The following TSC22D1 variants were observed in gnomAD, a reference collection of about 807,000 sequenced individuals.
The protein encoded by TSC22D1 is TSC22 domain family member 1.
Under a neutral mutation model 74.2 loss-of-function variants are expected in TSC22D1, and 9 were observed. The observed-to-expected ratio is 0.12, with a 90% confidence interval of 0.07 to 0.21. The LOEUF (loss-of-function observed/expected upper bound fraction) is 0.21. TSC22D1 is among the 10% of genes least tolerant of loss of function. The probability of loss-of-function intolerance (pLI) is 1.00; values close to 1 mark genes in which losing one functional copy is unlikely to be tolerated. For missense variants in TSC22D1, 1,427 were observed against 1,304.7 expected (o/e 1.09, Z -1.44); for synonymous variants, 586 against 492.5 (o/e 1.19, Z -2.51).
At chr13:44,455,239 G>A (rs1360541930) in intron 1 of TSC22D1, among the ~76,000 whole-genome samples, 2 of 152,196 alleles carry the variant, frequency 1.3e-5, no homozygotes, top group Non-Finnish European at 2.9e-5. Context: ...ACCTAAGAGA[G>A]ATGATGGGAT....
intron 1 of TSC22D1, among the ~76,000 whole-genome samples, chr13:44,460,413 T>G (rs1876936660): frequency 6.6e-6 from 1 of 152,192 alleles, no homozygotes; most frequent in Admixed American, 6.5e-5. Flanking sequence ...GAGAAGCAAT[T>G]TATAAGTGAC....
At chr13:44,475,481 T>C (rs1412267628) in intron 1 of TSC22D1, among the ~76,000 whole-genome samples, 1 of 135,594 alleles carries the variant, frequency 7.4e-6, no homozygotes, top group African/African-American at 2.7e-5. Flanking sequence ...AAAAAAAAAA[T>C]TCAAGAAAGG....
chr13:44,528,185 A>C (rs1022442910), intron 1 of TSC22D1, among the ~76,000 whole-genome samples: 3 of 152,046 alleles, frequency 2.0e-5, no homozygotes, highest in African/African-American at 7.2e-5. Context: ...CAGCACCATC[A>C]ATCAACAGGA....
chr13:44,536,950 A>AG, intron 1 of TSC22D1: 1 of 937,566 alleles, frequency 1.1e-6, no homozygotes, highest in Non-Finnish European at 1.3e-6. Context: ...AAAAAAAAAA[A>AG]AAAAAAAAAC....
At chr13:44,489,708 A>C (rs541577006) in intron 1 of TSC22D1, among the ~76,000 whole-genome samples, 39 of 152,224 alleles carry the variant, frequency 2.6e-4, no homozygotes, top group African/African-American at 8.9e-4. Flanking sequence ...TAAAAAAGAA[A>C]AATAGGCAAG....
chr13:44,478,121 AT>A (rs1225321562), intron 1 of TSC22D1, among the ~76,000 whole-genome samples: 2 of 152,090 alleles, frequency 1.3e-5, no homozygotes, highest in Non-Finnish European at 2.9e-5. Context: ...CTAGGAGAAA[AT>A]TTAAAAGCAG....
intron 1 of TSC22D1, among the ~76,000 whole-genome samples, chr13:44,519,232 T>A (rs1279115079): frequency 1.3e-5 from 2 of 152,226 alleles, no homozygotes; most frequent in Non-Finnish European, 2.9e-5. Flanking sequence ...ATGTTAGGTT[T>A]CTTCTTTCAC....
chr13:44,575,702 T>C lies in TSC22D1; in HGVS notation c.373A>G (p.Ile125Val). The C allele has an allele frequency of 3.7e-6, 6 of 1,614,240 alleles. No homozygotes were observed. Among genetic ancestry groups the C allele is most frequent in the South Asian group, 1.1e-5 (1 of 91,084 alleles). ...TCTGCTATACTGTTGTTAGAGCTGA[T>C]ACTAGCGGAGATCTGAGCAGGAGTA... Reference protein sequence around the residue: ...SVTPAQISASISSNNSIAEDT... With the variant: ...SVTPAQISASVSSNNSIAEDT... Residue 125 changes from isoleucine (I) to valine (V), a missense_variant, in exon 1 of 3, where the codon ATC (isoleucine) becomes GTC (valine). This residue lies in a region of TSC22D1 where 1,343 missense variants were observed against 1,191.5 expected (regional missense o/e 1.13). Coordinates refer to ENST00000458659, the MANE Select transcript of TSC22D1 (RefSeq NM_183422.4).
chr13:44,468,899 A>C (rs1308714531), intron 1 of TSC22D1, among the ~76,000 whole-genome samples: 1 of 130,930 alleles, frequency 7.6e-6, no homozygotes, highest in African/African-American at 2.5e-5. Flanking sequence ...AACCTCACCT[A>C]GCAAGTTGCT....
chr13:44,496,274 G>A (rs1016630951), intron 1 of TSC22D1, among the ~76,000 whole-genome samples: 8 of 152,196 alleles, frequency 5.3e-5, no homozygotes, highest in Non-Finnish European at 8.8e-5. Context: ...AGAGGCCAGT[G>A]TAGTGGCTCA....
intron 1 of TSC22D1, among the ~76,000 whole-genome samples, chr13:44,526,180 C>A (rs1217908533): frequency 1.3e-5 from 2 of 152,010 alleles, no homozygotes; most frequent in African/African-American, 2.4e-5. Context: ...TCTGAGGATC[C>A]AAAGCAAGTG....
intron 1 of TSC22D1, among the ~76,000 whole-genome samples, chr13:44,533,601 T>C (rs914438646): frequency 2.0e-5 from 3 of 151,824 alleles, no homozygotes; most frequent in African/African-American, 7.3e-5. Context: ...CTGGCCACCA[T>C]GGTGAAGCCC....
chr13:44,481,120 C>G (rs1275399113), intron 1 of TSC22D1, among the ~76,000 whole-genome samples: 1 of 152,174 alleles, frequency 6.6e-6, no homozygotes, highest in African/African-American at 2.4e-5. Flanking sequence ...CCAGAAGAGA[C>G]TGGTGCACTG....
At position 44,538,013 on chromosome 13, in the gene TSC22D1, G is replaced by T. The variant is rs1881250235; in HGVS notation, c.2912+35150C>A. On this transcript the variant is annotated intron_variant, in intron 1 of 2. Coordinates refer to ENST00000458659, the MANE Select transcript of TSC22D1 (RefSeq NM_183422.4). ...GACCAGTTAATAGATACCAAAGAAA[G>T]AAACAGAAACATTTTGATAACTACT... 1.1e-5 allele frequency: 11 copies of T among 985,230 alleles called. No individual in the cohort carries two copies. In the South Asian group the frequency reaches 1.4e-4, roughly 13 times the overall value. The allele number at this position is 985,230 out of a possible 1,614,324, so 61.0% of individuals were successfully genotyped here.
intron 1 of TSC22D1, among the ~76,000 whole-genome samples, chr13:44,480,265 A>C (rs538459063): frequency 6.6e-6 from 1 of 152,228 alleles, no homozygotes; most frequent in Non-Finnish European, 1.5e-5. Context: ...TAAAAAATTA[A>C]GATTGGAAAA....
chr13:44,490,512 A>G (rs920601469), intron 1 of TSC22D1, among the ~76,000 whole-genome samples: 2 of 152,136 alleles, frequency 1.3e-5, no homozygotes, highest in African/African-American at 2.4e-5. Flanking sequence ...TGTTCAACCA[A>G]AAAAATCAAT....
At chr13:44,455,481 T>C (rs1217737362) in intron 1 of TSC22D1, among the ~76,000 whole-genome samples, 2 of 152,238 alleles carry the variant, frequency 1.3e-5, no homozygotes, top group African/African-American at 4.8e-5. Flanking sequence ...AGAAACACTG[T>C]TCTGCACTTA....
rs764354794 is a variant in TSC22D1 at position 44,573,610 on chromosome 13, C to T, written c.2465G>A (p.Ser822Asn). 6.4e-5 allele frequency: 103 copies of T among 1,614,134 alleles called. No individual in the cohort carries two copies. Among genetic ancestry groups the T allele is most frequent in the Non-Finnish European group, 8.4e-5 (99 of 1,180,056 alleles). The change falls in exon 1 of 3, where the codon AGT becomes AAT. Residue 822 changes from serine (S) to asparagine (N), a missense_variant. Ser to Asn is a conservative substitution (Grantham distance 46, BLOSUM62 1). Around this residue, in one of 3 missense-constraint regions of TSC22D1, gnomAD observed 1,343 missense variants for 1,191.5 expected, o/e 1.13. Coordinates refer to ENST00000458659, the MANE Select transcript of TSC22D1 (RefSeq NM_183422.4). ...AATACTACTAGCAGAGGGCAAAGAA[C>T]TAACTGCAGGCAACTGCTGTGAAAC... ...GIVSQQLPAVSSLPSASSISV... is the reference protein window; with the variant it reads ...GIVSQQLPAVNSLPSASSISV...
chr13:44,450,333 A>G (rs184542165), intron 1 of TSC22D1, among the ~76,000 whole-genome samples: 250 of 152,318 alleles, frequency 1.6e-3, no homozygotes, highest in Non-Finnish European at 2.9e-3. Context: ...AGTTTAAGAC[A>G]GGCTGGGGCC....
Sources: allele counts gnomAD v4.1 joint callset (sites outside exome capture counted in the v4.1 genomes callset), GRCh38; gene constraint gnomAD v4.1.1; regional missense constraint gnomAD v4.1.1; transcripts MANE v1.5; gene names NCBI Gene and HGNC (gene_info 2026-07-23, HGNC 2026-07-21).